The following RIF1 variants were observed in gnomAD, a reference collection of about 807,000 sequenced individuals.
The protein encoded by RIF1 is replication timing regulatory factor 1, also known as telomere-associated protein RIF1.
Under a neutral mutation model 247.1 loss-of-function variants are expected in RIF1, and 45 were observed. That is an observed-to-expected ratio of 0.18 (90% confidence interval 0.14 to 0.23). The LOEUF is 0.23. Among genes scored for constraint, RIF1 ranks in the 10% least tolerant of loss-of-function variants. The probability of loss-of-function intolerance (pLI) is 1.00; values close to 1 mark genes in which losing one functional copy is unlikely to be tolerated. For missense variants in RIF1, 2,967 were observed against 2,862.5 expected (o/e 1.04, Z -0.83); for synonymous variants, 1,087 against 978.8 (o/e 1.11, Z -2.06).
intron 15 of RIF1, among the ~76,000 whole-genome samples, chr2:151,440,774 TTATC>T (rs1260667408): frequency 1.3e-5 from 2 of 152,224 alleles, no homozygotes; most frequent in Non-Finnish European, 2.9e-5. Context: ...TTTGTGCAGT[TTATC>T]TATTCCCTTG....
intron 10 of RIF1, among the ~76,000 whole-genome samples, chr2:151,499,097 CT>C (rs927526327): frequency 6.6e-6 from 1 of 151,954 alleles, no homozygotes; most frequent in Non-Finnish European, 1.5e-5. Context: ...ATACTGAACA[CT>C]TTTTTTATTA....
At chr2:151,455,216 A>T (rs997508705) in intron 22 of RIF1, 57 bp downstream of exon 22, 57 of 1,326,482 alleles carry the variant, frequency 4.3e-5, no homozygotes, top group Admixed American at 4.7e-5. Context: ...AAATATAGGT[A>T]GCAACTTTTA....
chr2:151,436,851 C>T lies in RIF1; in HGVS notation c.1220C>T (p.Pro407Leu), dbSNP rs140926635. Residue 407 changes from proline (P) to leucine (L), a missense_variant, in exon 12 of 36, where the codon CCG becomes CTG. Pro to Leu is a moderately conservative substitution (Grantham distance 98). Transcript: ENST00000444746. ...GGTGCTTCCTCCCCGTACGGAGCCCCGGGAACTCCCCGAATGAACCTGAGT... is the reference window on the plus strand; with the variant it reads ...GGTGCTTCCTCCCCGTACGGAGCCCTGGGAACTCCCCGAATGAACCTGAGT... ...HKGASSPYGAPGTPRMNLSSN... is the reference protein window; with the variant it reads ...HKGASSPYGALGTPRMNLSSN... 112 of 1,609,896 alleles carry T rather than the reference C, an allele frequency of 7.0e-5. No homozygotes were observed. The highest frequency in any genetic ancestry group is 2.4e-4 in the African/African-American group (18 of 74,706).
At chr2:151,426,150 G>A (rs1166378497) in intron 8 of RIF1, among the ~76,000 whole-genome samples, 1 of 126,726 alleles carries the variant, frequency 7.9e-6, no homozygotes, top group South Asian at 2.6e-4. Context: ...TTATTTTTCA[G>A]GATTGTTTTG....
intron 10 of RIF1, 123 bp downstream of exon 10, chr2:151,433,351 T>C: frequency 1.7e-6 from 1 of 585,548 alleles, no homozygotes; most frequent in African/African-American, 1.8e-5. Flanking sequence ...ATATAAAAGG[T>C]CTTTCACTTT....
At chr2:151,428,667 C>A (rs564657105) in intron 8 of RIF1, 117 bp from the exon 9 acceptor site, 3 of 746,804 alleles carry the variant, frequency 4.0e-6, no homozygotes, top group Non-Finnish European at 6.8e-6. Context: ...TCTTTTGTCT[C>A]CCCATTAGAT....
chr2:151,531,652 A>G, the RIF1 span: 2 of 688,766 alleles, frequency 2.9e-6, no homozygotes, highest in Non-Finnish European at 5.2e-6. Flanking sequence ...AATCCTGTGC[A>G]TAACAGGACA....
In RIF1 at chr2:151,437,272, T is replaced by C; in HGVS notation, c.1404T>C (p.Pro468=). 1 of 1,613,944 alleles carries C rather than the reference T, an allele frequency of 6.2e-7. No individual in the cohort carries two copies. The highest frequency in any genetic ancestry group is 1.1e-5 in the South Asian group (1 of 91,080). ...EPLEHPLISS[P]SFFSKHANTL... is the part of the protein sequence containing the mutation. ...TGGAACATCCGTTAATCAGCAGCCC[T>C]TCCTTTTTTTCCAAACATGCAAATA... The change falls in exon 13 of 36, where the codon CCT becomes CCC. Residue 468 remains proline, a synonymous_variant. Coordinates refer to ENST00000444746, the MANE Select transcript of RIF1 (RefSeq NM_018151.5).
rs371070454 is a variant in RIF1, at chr2:151,459,979, G to A, written c.2956-21G>A. ...TATTACCGTTCTATTTAATGAAATT[G>A]TTTCATTTTTAATAAAACAGACAGA... On this transcript the variant is annotated intron_variant, in intron 25 of 35. Coordinates refer to ENST00000444746, the MANE Select transcript of RIF1 (RefSeq NM_018151.5). 8.0e-6 allele frequency: 12 copies of A among 1,500,532 alleles called. No homozygotes were observed. In the African/African-American group the frequency reaches 1.7e-4, roughly 22 times the overall value. 93.0% of individuals were successfully genotyped at this position (1,500,532 alleles called of 1,614,324 possible). A position where few individuals can be genotyped will look rare whatever the true frequency, so the allele number is the denominator to read the frequency against.
Position 151,464,194 on chromosome 2 carries a change from G to A in RIF1, c.4674G>A (p.Glu1558=). ...SIENSESDSS[E]AKEEGSRKKR... is the part of the protein sequence containing the mutation. ...AAAACTCAGAATCTGATAGTTCGGAGGCAAAAGAAGAAGGTTCTAGGAAGA... is the reference window on the plus strand; with the variant it reads ...AAAACTCAGAATCTGATAGTTCGGAAGCAAAAGAAGAAGGTTCTAGGAAGA... The change falls in exon 30 of 36, where the codon GAG becomes GAA. Residue 1558 remains glutamate, a synonymous_variant. Transcript: ENST00000444746. 2 of 1,612,082 alleles carry A rather than the reference G, an allele frequency of 1.2e-6. No homozygotes were observed. The highest frequency in any genetic ancestry group is 1.7e-6 in the Non-Finnish European group (2 of 1,179,592).
Position 151,465,240 on chromosome 2 carries a change from C to T in RIF1, c.5720C>T (p.Thr1907Ile). The change falls in exon 30 of 36, where the codon ACA (threonine) becomes ATA (isoleucine). Residue 1907 changes from threonine (T) to isoleucine (I), a missense_variant. Coordinates refer to ENST00000444746, the MANE Select transcript of RIF1 (RefSeq NM_018151.5). ...GTTGAAGGAAATGCATGTAAAGTAA[C>T]AGAATCCAATCTAGAGAAAGCAAAA... Reference protein sequence around the residue: ...VTVEGNACKVTESNLEKAKTM... With the variant: ...VTVEGNACKVIESNLEKAKTM... The T allele has an allele frequency of 6.2e-7, 1 of 1,610,724 alleles. No homozygotes were observed. The highest frequency in any genetic ancestry group is 1.3e-5 in the African/African-American group (1 of 74,616).
At chr2:151,489,885 A>G in intron 9 of RIF1, 1 of 1,018,426 alleles carries the variant, frequency 9.8e-7, no homozygotes, top group Admixed American at 2.0e-5. Context: ...TGGTTAAAAA[A>G]AACCGTAATA....
rs1470148892 is a variant in RIF1, at chr2:151,412,305, TTTTG to T, written c.183+975_183+978del. ...GACCTTGTTCTCTTTTTTTAATTTT[TTTTG>T]TTTGTTTTTATTATGACCTTGTTCT... On this transcript the variant is annotated intron_variant, in intron 3 of 35. Coordinates refer to ENST00000444746, the MANE Select transcript of RIF1 (RefSeq NM_018151.5). 2.8e-5 allele frequency among the ~76,000 whole-genome samples: 3 copies of T among 107,910 alleles called. No individual in the cohort carries two copies. In the East Asian group the frequency reaches 8.8e-4, roughly 32 times the overall value. The allele number at this position is 107,910 out of a possible 152,430, so 70.8% of individuals were successfully genotyped here. A position where few individuals can be genotyped will look rare whatever the true frequency, so the allele number is the denominator to read the frequency against.
chr2:151,492,293 T>C (rs1213485329), intron 9 of RIF1: 2 of 1,606,536 alleles, frequency 1.2e-6, no homozygotes, highest in Non-Finnish European at 1.7e-6. Flanking sequence ...TGAAATGTCA[T>C]GAATTTGCTT....
At chr2:151,442,746 G>A (rs1692554335) in intron 16 of RIF1, among the ~76,000 whole-genome samples, 1 of 146,602 alleles carries the variant, frequency 6.8e-6, no homozygotes, top group Non-Finnish European at 1.5e-5. Context: ...AAACAGCTAT[G>A]ATTAGACTAT....
At chr2:151,500,593 CTTTTT>C (rs11428843) in intron 11 of RIF1, among the ~76,000 whole-genome samples, 2 of 118,458 alleles carry the variant, frequency 1.7e-5, no homozygotes, top group South Asian at 5.5e-4. Context: ...TTCTTTCTTC[CTTTTT>C]TTTTTTTTTT....
intron 7 of RIF1, among the ~76,000 whole-genome samples, chr2:151,420,609 C>T (rs1051434884): frequency 5.3e-5 from 8 of 151,724 alleles, no homozygotes; most frequent in Non-Finnish European, 7.4e-5. Context: ...TGGTGGCATG[C>T]GCCTGTAGTC....
chr2:151,453,594 A>G lies in RIF1; in HGVS notation c.2345-1301A>G, dbSNP rs1467743237. Among the ~76,000 whole-genome samples the G allele has an allele frequency of 3.3e-5, 5 of 151,894 alleles. No individual in the cohort carries two copies. The East Asian group carries it at 5.8e-4, about 18-fold the overall frequency. ...GACTCTGTCTCAAAAAAAAAAAAAA[A>G]AAAAAAAAGGCAATTTTACTTTCTT... On this transcript the variant is annotated intron_variant, in intron 21 of 35. Coordinates refer to ENST00000444746, the MANE Select transcript of RIF1 (RefSeq NM_018151.5).
At chr2:151,436,712 C>T (rs1246235484) in intron 11 of RIF1, 115 bp from the exon 12 acceptor site, 2 of 753,586 alleles carry the variant, frequency 2.7e-6, no homozygotes, top group Non-Finnish European at 4.1e-6. Flanking sequence ...TGGATTAATG[C>T]CTGAGACATT....
Sources: gnomAD v4.1 joint callset for allele counts (sites outside exome capture counted in the v4.1 genomes callset) on GRCh38, gnomAD v4.1.1 for gene constraint, MANE v1.5 for transcripts, NCBI Gene and HGNC (gene_info 2026-07-23, HGNC 2026-07-21) for gene names.